The following DENND2C variants were observed in gnomAD, a reference collection of about 807,000 sequenced individuals.
DENND2C encodes DENN domain-containing protein 2C.
In DENND2C, 72 loss-of-function variants were observed where a neutral mutation model predicts 112.4. That is an observed-to-expected ratio of 0.64 (90% confidence interval 0.53 to 0.78). The LOEUF is 0.78. Ranked by LOEUF, DENND2C falls within the 30% of genes least tolerant of loss-of-function variation. DENND2C has a pLI of 0.00. For missense variants in DENND2C, 992 were observed against 1,113.8 expected (o/e 0.89, Z 1.56); for synonymous variants, 329 against 381.6 (o/e 0.86, Z 1.61).
chr1:114,621,986 G>C lies in DENND2C; in HGVS notation c.1136C>G (p.Thr379Arg). The change falls in exon 7 of 21, where the codon ACA (threonine) becomes AGA (arginine). Residue 379 changes from threonine to arginine, a missense_variant. This residue lies in a region of DENND2C where 470 missense variants were observed against 472.7 expected (regional missense o/e 0.99). Coordinates refer to ENST00000393274, the MANE Select transcript of DENND2C (RefSeq NM_001256404.2). Reference protein sequence around the residue: ...NSQAYLRSKLTKDTTLPVTLT... With the variant: ...NSQAYLRSKLRKDTTLPVTLT... ...AGTGACCGGCAAAGTTGTATCTTTT[G>C]TAAGCTTTGACCGCAAATAAGCCTG... 6.4e-7 allele frequency: 1 copy of C among 1,550,930 alleles called. No homozygotes were observed. The highest frequency in any genetic ancestry group is 8.7e-7 in the Non-Finnish European group (1 of 1,147,046).
chr1:114,595,730 G>T, intron 17 of DENND2C, 102 bp downstream of exon 17: 1 of 1,071,838 alleles, frequency 9.3e-7, no homozygotes. Context: ...TAAAAGTTTT[G>T]CCTGAGTCAT....
intron 3 of DENND2C, among the ~76,000 whole-genome samples, chr1:114,642,633 G>C (rs1189781106): frequency 6.6e-6 from 1 of 152,058 alleles, no homozygotes; most frequent in African/African-American, 2.4e-5. Context: ...CCTAATTCTT[G>C]TAACAACCCC....
chr1:114,669,576 G>A (rs1308314322), intron 1 of DENND2C, among the ~76,000 whole-genome samples: 1 of 152,196 alleles, frequency 6.6e-6, no homozygotes, highest in African/African-American at 2.4e-5. Flanking sequence ...CATCGTCCCA[G>A]CATGTCGAAG....
Position 114,587,376 on chromosome 1 carries a change from C to G in DENND2C, c.2755+11G>C. The G allele has an allele frequency of 6.2e-7, 1 of 1,614,132 alleles. No individual in the cohort carries two copies. The highest frequency in any genetic ancestry group is 8.5e-7 in the Non-Finnish European group (1 of 1,180,008). ...GCCACATTTATCTAACAGGAAAACA[C>G]AGCAACTAACCAAGACTCCGCAAAA... On this transcript the variant is annotated intron_variant, in intron 20 of 20. Transcript: ENST00000393274.
intron 4 of DENND2C, 60 bp downstream of exon 4, chr1:114,625,119 A>C: frequency 6.8e-7 from 1 of 1,471,914 alleles, no homozygotes; most frequent in African/African-American, 1.4e-5. Context: ...AGGAAAAAGA[A>C]GCTCAATAAT....
chr1:114,636,594 A>G (rs1308911186), intron 3 of DENND2C, among the ~76,000 whole-genome samples: 1 of 152,170 alleles, frequency 6.6e-6, no homozygotes, highest in Non-Finnish European at 1.5e-5. Flanking sequence ...GGACTGCTTC[A>G]GTCTGAGAGG....
At chr1:114,650,184 G>A (rs952082473) in intron 2 of DENND2C, among the ~76,000 whole-genome samples, 7 of 151,902 alleles carry the variant, frequency 4.6e-5, no homozygotes, top group Non-Finnish European at 7.4e-5. Flanking sequence ...TTAGCCAGGC[G>A]TGGTGTTGCA....
Position 114,625,374 on chromosome 1 carries a change from C to A in DENND2C, c.611G>T (p.Gly204Val). The A allele has an allele frequency of 6.2e-7, 1 of 1,614,148 alleles. No individual in the cohort carries two copies. Among genetic ancestry groups the A allele is most frequent in the African/African-American group, 1.3e-5 (1 of 75,064 alleles). ...IYSEPEGQEC[G>V]PSINPLPKPR... The stretch of plus-strand genomic sequence containing the variant: ...TTTTGGCAAAGGATTTATGGAAGGT[C>A]CACATTCTTGCCCCTCAGGTTCAGA... Residue 204 changes from glycine (G) to valine (V), a missense_variant, in exon 4 of 21, where the codon GGA becomes GTA. By Grantham distance (109) the Gly-to-Val change is moderately radical (BLOSUM62 -3). This residue lies in a region of DENND2C where 470 missense variants were observed against 472.7 expected (regional missense o/e 0.99). Transcript: ENST00000393274.
Position 114,623,565 on chromosome 1 carries a change from ATTTC to A in DENND2C, c.881_884del (p.Arg294IlefsTer73). 6.2e-7 allele frequency: 1 copy of A among 1,610,292 alleles called. No individual in the cohort carries two copies. The highest frequency in any genetic ancestry group is 8.5e-7 in the Non-Finnish European group (1 of 1,178,262). ...GTGTGTAATAAAGTGCTGACCCAGA[ATTTC>A]TTCCAAGTTCTTCACGAATCGTCTG... On this transcript the variant is annotated frameshift_variant, in exon 5 of 21. Transcript: ENST00000393274. LOFTEE classifies it high-confidence loss of function.
In DENND2C at chr1:114,654,638, A is replaced by G. The variant is rs1657256740; in HGVS notation, c.-450T>C. On this transcript the variant is annotated 5_prime_UTR_variant, in exon 2 of 21. Transcript: ENST00000393274. ...ACTATGTGCCAATCACTTCAATCACACTATCACAATTAATTTTCATAGCAC... is the reference window on the plus strand; with the variant it reads ...ACTATGTGCCAATCACTTCAATCACGCTATCACAATTAATTTTCATAGCAC... 6.6e-6 allele frequency: 1 copy of G among 152,054 alleles called. No individual in the cohort carries two copies. The highest frequency in any genetic ancestry group is 2.4e-5 in the African/African-American group (1 of 41,390). 9.4% of individuals were successfully genotyped at this position (152,054 alleles called of 1,614,324 possible).
At chr1:114,626,249 C>T (rs1656339359) in intron 3 of DENND2C, 61 bp from the exon 4 acceptor site, 2 of 351,900 alleles carry the variant, frequency 5.7e-6, no homozygotes, top group East Asian at 5.1e-5. Context: ...TAAAACTCCA[C>T]TAAAACATTG....
intron 8 of DENND2C, among the ~76,000 whole-genome samples, chr1:114,614,238 A>G (rs1363040710): frequency 6.6e-6 from 1 of 152,056 alleles, no homozygotes; most frequent in African/African-American, 2.4e-5. Context: ...TCTTGAAAAA[A>G]AAAAAAAAAA....
rs143038734 is a variant in DENND2C at position 114,600,899 on chromosome 1, C to T, written c.1877G>A (p.Arg626Gln). The T allele has an allele frequency of 4.5e-5, 72 of 1,613,994 alleles. No homozygotes were observed. In the East Asian group the frequency reaches 1.1e-3, roughly 24 times the overall value. The change falls in exon 14 of 21, where the codon CGA (arginine) becomes CAA (glutamine). Residue 626 changes from arginine to glutamine, a missense_variant. Physicochemically the swap from Arg to Gln is conservative, Grantham distance 43. This residue lies in a region of DENND2C where 516 missense variants were observed against 623.6 expected (regional missense o/e 0.83). Transcript: ENST00000393274. ...MSPALVYPFM[R>Q]SVMEAPFPAP... ...TGGGAAAGGAGCTTCCATGACACTT[C>T]GCATGAATGGGTAAACAAGGGCTGG...
chr1:114,650,167 T>A (rs1557958832), intron 2 of DENND2C, among the ~76,000 whole-genome samples: 2 of 150,784 alleles, frequency 1.3e-5, no homozygotes, highest in South Asian at 4.2e-4. Context: ...ACTAAAAATA[T>A]AAAAAATTAG....
chr1:114,586,408 T>C (rs1655037683), intron 20 of DENND2C, among the ~76,000 whole-genome samples: 1 of 152,158 alleles, frequency 6.6e-6, no homozygotes, highest in Admixed American at 6.5e-5. Context: ...TTTTATAAGA[T>C]TCTCCAAGGA....
intron 3 of DENND2C, among the ~76,000 whole-genome samples, chr1:114,632,222 C>T (rs9308267): frequency 0.87 from 132,863 of 152,068 alleles, 58,526 homozygotes; most frequent in African/African-American, 0.96. Flanking sequence ...ATGAAGGGGT[C>T]GGGAGTGGGG....
chr1:114,611,191 C>T, intron 8 of DENND2C, 74 bp from the exon 9 acceptor site: 1 of 1,543,204 alleles, frequency 6.5e-7, no homozygotes, highest in Non-Finnish European at 8.9e-7. Flanking sequence ...ACAATGTAAA[C>T]CCACAAACCT....
chr1:114,666,901 G>A (rs1272696933), intron 1 of DENND2C, among the ~76,000 whole-genome samples: 1 of 152,130 alleles, frequency 6.6e-6, no homozygotes, highest in African/African-American at 2.4e-5. Flanking sequence ...CCAAATGAAG[G>A]GAAGTGAAAT....
intron 15 of DENND2C, 89 bp downstream of exon 15, chr1:114,600,115 A>T: frequency 7.1e-7 from 1 of 1,418,306 alleles, no homozygotes; most frequent in Non-Finnish European, 9.5e-7. Flanking sequence ...CTTAAAGTAT[A>T]ATAGTAAAAT....
Sources: allele counts gnomAD v4.1 joint callset (sites outside exome capture counted in the v4.1 genomes callset), GRCh38; gene constraint gnomAD v4.1.1; regional missense constraint gnomAD v4.1.1; transcripts MANE v1.5; gene names NCBI Gene and HGNC (gene_info 2026-07-23, HGNC 2026-07-21).